Variants in NTRK1 observed in about 807,000 individuals in gnomAD.
NTRK1 encodes the protein neurotrophic receptor tyrosine kinase 1.
NTRK1 carries 62 observed loss-of-function variants against 86.8 expected under a neutral mutation model. That is an observed-to-expected ratio of 0.71 (90% confidence interval 0.58 to 0.88). The LOEUF is 0.88. Among genes scored for constraint, NTRK1 ranks in the 40% least tolerant of loss-of-function variants. The pLI, the probability that NTRK1 is intolerant of heterozygous loss-of-function variation, is 0.00. For missense variants in NTRK1, 967 were observed against 1,078.4 expected, an observed-to-expected ratio of 0.90 and a Z score of 1.45; for synonymous variants, 469 against 456.6, an observed-to-expected ratio of 1.03 and a Z score of -0.35.
intron 11 of NTRK1, among the ~76,000 whole-genome samples, 165 bp from the exon 12 acceptor site, chr1:156,875,355 G>T (rs1007815198): frequency 6.6e-6 from 1 of 152,092 alleles, no homozygotes; most frequent in Non-Finnish European, 1.5e-5. Flanking sequence ...CCAGCACAGG[G>T]AGAGGCGGTG....
Position 156,827,527 on chromosome 1 carries a change from G to A in NTRK1, c.-64+11689G>A, listed in dbSNP as rs540477912. ...TCCATACACCTCGGCCTCCCCAAATGCTGAGATTACACGTGTGAACCACTG... is the reference window on the plus strand; with the variant it reads ...TCCATACACCTCGGCCTCCCCAAATACTGAGATTACACGTGTGAACCACTG... On this transcript the variant is annotated intron_variant, in intron 1 of 16. Transcript: ENST00000392302. 1.1e-4 allele frequency among the ~76,000 whole-genome samples: 16 copies of A among 152,258 alleles called. No homozygotes were observed. In the East Asian group the frequency reaches 2.7e-3, roughly 26 times the overall value.
intron 16 of NTRK1, among the ~76,000 whole-genome samples, chr1:156,880,829 A>G (rs1318343655): frequency 6.6e-6 from 1 of 152,230 alleles, no homozygotes; most frequent in Non-Finnish European, 1.5e-5. Flanking sequence ...AGGGGAAAAG[A>G]GGCTCCAGGC....
At chr1:156,829,090 G>A (rs548288872) in intron 1 of NTRK1, among the ~76,000 whole-genome samples, 4 of 152,148 alleles carry the variant, frequency 2.6e-5, no homozygotes, top group Non-Finnish European at 5.9e-5. Flanking sequence ...TTCTGGCGGG[G>A]GAGAGAGAAA....
At position 156,879,992 on chromosome 1, in the gene NTRK1, G is replaced by C. The variant is rs375989879; in HGVS notation, c.2047-7G>C. 1.2e-6 allele frequency: 2 copies of C among 1,612,394 alleles called. No homozygotes were observed. Among genetic ancestry groups the C allele is most frequent in the East Asian group, 2.2e-5 (1 of 44,882 alleles). On this transcript the variant is annotated splice_region_variant and splice_polypyrimidine_tract_variant and intron_variant, in intron 15 of 16. Transcript: ENST00000524377. ...CCTGGAATTGATGCAGTGTCCGCCC[G>C]TGGCAGGTGGGAGGCCGCACCATGC...
In NTRK1 at chr1:156,838,821, C is replaced by T. The variant is rs1482584096; in HGVS notation, c.-63-3260C>T. Among the ~76,000 whole-genome samples, 3 of 152,346 alleles carry T rather than the reference C, an allele frequency of 2.0e-5. No individual in the cohort carries two copies. In the East Asian group the frequency reaches 5.8e-4, roughly 29 times the overall value. On this transcript the variant is annotated intron_variant, in intron 1 of 16. Coordinates refer to the NTRK1 transcript ENST00000392302. ...TTAAGCTCTTCCACATCCAGACAAT[C>T]GGCACTGTGAGGGTTAGGGGGCATA...
At chr1:156,874,255 A>C (rs2102908146) in intron 8 of NTRK1, 128 bp from the exon 9 acceptor site, 2 of 1,420,790 alleles carry the variant, frequency 1.4e-6, no homozygotes, top group Non-Finnish European at 2.0e-6. Context: ...CCAGCAGCCC[A>C]CCTCCATCCC....
upstream of NTRK1, among the ~76,000 whole-genome samples, chr1:156,860,012 CTCCTGCG>C (rs1655556937): frequency 6.6e-6 from 1 of 152,222 alleles, no homozygotes; most frequent in African/African-American, 2.4e-5. Context: ...CCGCGGGCGG[CTCCTGCG>C]TCCGAGGAGC....
chr1:156,843,042 C>A, intron 2 of NTRK1: 2 of 1,614,160 alleles, frequency 1.2e-6, no homozygotes, highest in South Asian at 2.2e-5. Flanking sequence ...ACAGAAGCTT[C>A]CTTGAGGAAC....
chr1:156,855,254 A>G (rs1299364141), intron 2 of NTRK1, among the ~76,000 whole-genome samples: 1 of 151,148 alleles, frequency 6.6e-6, no homozygotes, highest in African/African-American at 2.4e-5. Context: ...CCCAGGCTAG[A>G]GTGCAGTGGC....
chr1:156,861,120 G>C lies in NTRK1; in HGVS notation c.186G>C (p.Leu62=), dbSNP rs2102879546. Residue 62 remains leucine, a synonymous_variant, in exon 1 of 17, where the codon CTG becomes CTC. Coordinates refer to ENST00000524377, the MANE Select transcript of NTRK1 (RefSeq NM_002529.4). The part of the protein sequence containing the change: ...RDGALDSLHH[L]PGAENLTELY... ...GGGCCCTGGATAGCCTCCACCACCT[G>C]CCCGGCGCAGAGAACCTGACTGAGC... 1 of 1,581,602 alleles carries C rather than the reference G, an allele frequency of 6.3e-7. No homozygotes were observed. Among genetic ancestry groups the C allele is most frequent in the East Asian group, 2.3e-5 (1 of 43,992 alleles).
At position 156,881,535 on chromosome 1, in the gene NTRK1, G is replaced by T; in HGVS notation, c.2284G>T (p.Gly762Cys). The T allele has an allele frequency of 6.2e-7, 1 of 1,604,580 alleles. No homozygotes were observed. Among genetic ancestry groups the T allele is most frequent in the East Asian group, 2.3e-5 (1 of 44,440 alleles). Residue 762 changes from glycine to cysteine, a missense_variant, in exon 17 of 17, where the codon GGC (glycine) becomes TGC (cysteine). By Grantham distance (159) the Gly-to-Cys change is radical. Around this residue, in one of 2 missense-constraint regions of NTRK1, gnomAD observed 637 missense variants for 776.5 expected, o/e 0.82. Coordinates refer to ENST00000524377, the MANE Select transcript of NTRK1 (RefSeq NM_002529.4). ...CPPEVYAIMR[G>C]CWQREPQQRH... is the part of the protein sequence containing the mutation. ...ACCAGAGGTCTACGCCATCATGCGG[G>T]GCTGCTGGCAGCGGGAGCCCCAGCA...
intron 2 of NTRK1, chr1:156,845,014 C>G: frequency 6.4e-7 from 1 of 1,550,908 alleles, no homozygotes; most frequent in Non-Finnish European, 8.7e-7. Flanking sequence ...AAACCCCAAA[C>G]CTTTGCACAG....
intron 2 of NTRK1, chr1:156,845,201 C>A (rs1037697690): frequency 6.2e-7 from 1 of 1,609,418 alleles, no homozygotes; most frequent in African/African-American, 1.3e-5. Context: ...CAGCACCGCT[C>A]GCTCACGGGG....
intron 2 of NTRK1, chr1:156,848,850 C>T: frequency 6.6e-7 from 1 of 1,513,046 alleles, no homozygotes; most frequent in Admixed American, 2.0e-5. Flanking sequence ...CCGCCCTCAC[C>T]TGCCTGTGGT....
At chr1:156,845,557 AAG>A in intron 2 of NTRK1, 12 of 365,262 alleles carry the variant, frequency 3.3e-5, no homozygotes, top group Non-Finnish European at 4.7e-5. Context: ...CCCCTCCCGC[AAG>A]ACCCGCCCCT....
At chr1:156,878,665 G>A (rs947361766) in intron 14 of NTRK1, among the ~76,000 whole-genome samples, 10 of 152,178 alleles carry the variant, frequency 6.6e-5, no homozygotes, top group East Asian at 1.9e-4. Context: ...GGAAGACCCC[G>A]TAGGAATGGC....
intron 1 of NTRK1, among the ~76,000 whole-genome samples, chr1:156,828,619 C>G (rs918115354): frequency 1.3e-5 from 2 of 152,196 alleles, no homozygotes; most frequent in Non-Finnish European, 2.9e-5. Context: ...CACAGGCACC[C>G]GCGTGGACGA....
chr1:156,832,609 G>A (rs1278906095), intron 1 of NTRK1, among the ~76,000 whole-genome samples: 1 of 152,136 alleles, frequency 6.6e-6, no homozygotes, highest in South Asian at 2.1e-4. Flanking sequence ...CAGGCTTAGA[G>A]CTGCAAAGCC....
At chr1:156,858,651 G>T (rs749832322), upstream of NTRK1, 28 of 1,591,370 alleles carry the variant, frequency 1.8e-5, no homozygotes, top group Non-Finnish European at 2.4e-5. Flanking sequence ...GTCCAGTCCC[G>T]GCTCTCCTCC....
Sources: gnomAD v4.1 joint callset for allele counts (sites outside exome capture counted in the v4.1 genomes callset) on GRCh38, gnomAD v4.1.1 for gene constraint, gnomAD v4.1.1 regional missense constraint, MANE v1.5 for transcripts, NCBI Gene and HGNC (gene_info 2026-07-23, HGNC 2026-07-21) for gene names.